FAM53A: variants seen among roughly 807,000 people sequenced by gnomAD.
The protein encoded by FAM53A is protein FAM53A.
Under a neutral mutation model 26.6 loss-of-function variants are expected in FAM53A, and 28 were observed. The observed-to-expected ratio is 1.05, with a 90% CI of 0.78 to 1.45. The LOEUF (loss-of-function observed/expected upper bound fraction) is 1.45. Ranked by LOEUF, FAM53A falls within the 40% of genes most tolerant of loss-of-function variation. The pLI, the probability that FAM53A is intolerant of heterozygous loss-of-function variation, is 0.00. For synonymous variants in FAM53A, 290 were observed against 253.1 expected (o/e 1.15, Z -1.38); for missense variants, 650 against 575.8 (o/e 1.13, Z -1.32).
downstream of FAM53A, among the ~76,000 whole-genome samples, chr4:1,616,093 C>T (rs1307163218): frequency 2.0e-5 from 3 of 152,316 alleles, no homozygotes; most frequent in South Asian, 2.1e-4. Context: ...TAAGCAGGTT[C>T]TGGTGCAGGA....
At chr4:1,651,608 C>A (rs114133810) in intron 4 of FAM53A, among the ~76,000 whole-genome samples, 1,650 of 151,748 alleles carry the variant, frequency 0.011, 29 homozygotes, top group African/African-American at 0.038. Context: ...AAGAGGGTAT[C>A]AAGGCCTGAG....
intron 2 of FAM53A, among the ~76,000 whole-genome samples, chr4:1,663,904 G>T (rs1462956810): frequency 6.6e-6 from 1 of 151,834 alleles, no homozygotes; most frequent in Admixed American, 6.5e-5. Flanking sequence ...TGCAACTAGA[G>T]GAAACCATAA....
intron 2 of FAM53A, among the ~76,000 whole-genome samples, chr4:1,665,914 C>T (rs891395317): frequency 1.3e-5 from 2 of 151,892 alleles, no homozygotes; most frequent in Non-Finnish European, 2.9e-5. Context: ...AAGTGACAAA[C>T]CTGCACCTGC....
the FAM53A span, among the ~76,000 whole-genome samples, chr4:1,607,578 GC>G: frequency 6.6e-6 from 1 of 150,806 alleles, no homozygotes; most frequent in Admixed American, 6.6e-5. Flanking sequence ...AAGTGAGGCC[GC>G]CCCCCCACCA....
the FAM53A span, among the ~76,000 whole-genome samples, chr4:1,609,797 T>C: frequency 6.6e-6 from 1 of 151,924 alleles, no homozygotes; most frequent in Non-Finnish European, 1.5e-5. Flanking sequence ...ACCCCGTCTC[T>C]ACTAAAAATA....
Position 1,661,661 on chromosome 4 carries a change from C to G in FAM53A, c.76-4193G>C, listed in dbSNP as rs142416089. Among the ~76,000 whole-genome samples the G allele has an allele frequency of 2.5e-3, 373 of 149,794 alleles. 5 individuals carry two copies. The highest frequency in any genetic ancestry group is 8.5e-3 in the African/African-American group (347 of 40,912). On this transcript the variant is annotated intron_variant, in intron 2 of 4. Coordinates refer to ENST00000308132, the MANE Select transcript of FAM53A (RefSeq NM_001174070.3). The stretch of plus-strand genomic sequence containing the variant: ...ACCCCAACATTAAGACCCCGCCCAT[C>G]TTCCAGCACTCAGCCACCATTACAC...
intron 1 of FAM53A, among the ~76,000 whole-genome samples, chr4:1,679,260 A>G (rs1427055085): frequency 6.6e-6 from 1 of 151,660 alleles, no homozygotes; most frequent in Non-Finnish European, 1.5e-5. Context: ...GTGGGCACAC[A>G]CCTGTAATCC....
intron 2 of FAM53A, among the ~76,000 whole-genome samples, chr4:1,658,096 T>C (rs1221859141): frequency 2.0e-5 from 3 of 149,254 alleles, no homozygotes; most frequent in East Asian, 4.1e-4. Context: ...CTACAAGCTC[T>C]GCCTCCCGGG....
chr4:1,587,025 T>C, the FAM53A span, among the ~76,000 whole-genome samples: 3 of 152,236 alleles, frequency 2.0e-5, no homozygotes, highest in African/African-American at 7.2e-5. Context: ...CCGTTGGCCA[T>C]TTGTGTGTCT....
chr4:1,647,517 A>G (rs1309577906), intron 4 of FAM53A, among the ~76,000 whole-genome samples: 2 of 152,134 alleles, frequency 1.3e-5, no homozygotes, highest in Non-Finnish European at 2.9e-5. Context: ...CGGGGGGTTG[A>G]GGATGATCGC....
chr4:1,616,592 A>G (rs1027074672), downstream of FAM53A, among the ~76,000 whole-genome samples: 1 of 152,274 alleles, frequency 6.6e-6, no homozygotes, highest in Non-Finnish European at 1.5e-5. Context: ...TTTAAAAGGC[A>G]AAATAGTTTA....
chr4:1,657,534 T>C lies in FAM53A; in HGVS notation c.76-66A>G, dbSNP rs935599071. ...GAGAATTCGGCAATAATATCCCCCA[T>C]TTTCATCACTGCAGCACGTTCTACC... On this transcript the variant is annotated intron_variant, in intron 2 of 4. Transcript: ENST00000308132. The C allele has an allele frequency of 3.8e-6, 5 of 1,317,634 alleles. No individual in the cohort carries two copies. In the Admixed American group the frequency reaches 9.2e-5, roughly 24 times the overall value. 81.6% of individuals were successfully genotyped at this position (1,317,634 alleles called of 1,614,324 possible).
chr4:1,625,340 G>A (rs1715241453), intron 1 of FAM53A, among the ~76,000 whole-genome samples: 2 of 36,892 alleles, frequency 5.4e-5, no homozygotes, highest in Non-Finnish European at 9.2e-5. Context: ...GTCACACCAG[G>A]TGATCAGAAG....
At chr4:1,589,654 G>A in the FAM53A span, among the ~76,000 whole-genome samples, 2 of 151,922 alleles carry the variant, frequency 1.3e-5, no homozygotes, top group African/African-American at 4.8e-5. Context: ...TGTCAATTTG[G>A]CACTTTATAT....
At chr4:1,635,836 C>CTTT (rs141715501), downstream of FAM53A, among the ~76,000 whole-genome samples, 199 of 81,500 alleles carry the variant, frequency 2.4e-3, 1 homozygote, top group East Asian at 3.2e-3. Flanking sequence ...AATACTAATT[C>CTTT]TTTTTTTTTT....
chr4:1,638,136 C>T (rs904750160), downstream of FAM53A, among the ~76,000 whole-genome samples: 6 of 152,144 alleles, frequency 3.9e-5, no homozygotes, highest in East Asian at 5.8e-4. Flanking sequence ...AGGCTGCCCC[C>T]GGCCTCAGGC....
chr4:1,679,907 G>A (rs1321641144), intron 1 of FAM53A, among the ~76,000 whole-genome samples: 3 of 151,616 alleles, frequency 2.0e-5, no homozygotes, highest in Non-Finnish European at 4.4e-5. Flanking sequence ...AATTTAGCTG[G>A]GCATGATGGC....
At chr4:1,629,560 AC>A (rs1159144316) in intron 1 of FAM53A, among the ~76,000 whole-genome samples, 1 of 152,044 alleles carries the variant, frequency 6.6e-6, no homozygotes, top group African/African-American at 2.4e-5. Context: ...GCTCTGGGCC[AC>A]CCCCTCATCC....
chr4:1,650,178 C>A (rs527572081), intron 4 of FAM53A, among the ~76,000 whole-genome samples: 1 of 127,076 alleles, frequency 7.9e-6, no homozygotes, highest in Non-Finnish European at 1.6e-5. Context: ...GTGGCACAGG[C>A]GTGGCGTTTG....
Sources: allele counts gnomAD v4.1 joint callset (sites outside exome capture counted in the v4.1 genomes callset), GRCh38; gene constraint gnomAD v4.1.1; transcripts MANE v1.5; gene names NCBI Gene and HGNC (gene_info 2026-07-23, HGNC 2026-07-21).